ZC3H12B: variants seen among roughly 807,000 people sequenced by gnomAD.
ZC3H12B encodes zinc finger CCCH-type containing 12B, also known as probable ribonuclease ZC3H12B.
A neutral mutation model predicts 43.9 loss-of-function variants in ZC3H12B; 7 were observed. The ratio of observed to expected loss-of-function variants is 0.16; its 90% CI spans 0.09 to 0.30. ZC3H12B has a LOEUF of 0.30. Among genes scored for constraint, ZC3H12B ranks in the 10% least tolerant of loss-of-function variants. ZC3H12B has a pLI of 1.00. For synonymous variants in ZC3H12B, 222 were observed against 241.7 expected (o/e 0.92, Z 0.76); for missense variants, 475 against 670.2 (o/e 0.71, Z 3.22).
At chrX:65,222,250 A>T in the ZC3H12B span, among the ~76,000 whole-genome samples, 15 of 111,487 alleles carry the variant, frequency 1.3e-4, no homozygotes, top group East Asian at 3.9e-3. Context: ...ATGATTCTGA[A>T]CAAGGTAAAG....
chrX:65,149,808 AT>A, the ZC3H12B span, among the ~76,000 whole-genome samples: 7 of 104,865 alleles, frequency 6.7e-5, no homozygotes, highest in Admixed American at 1.1e-4. Flanking sequence ...AATAATAATA[AT>A]AATAATAAAT....
the ZC3H12B span, chrX:65,328,298 C>T: frequency 4.0e-6 from 1 of 252,350 alleles, no homozygotes. Flanking sequence ...ATTCTTTTAT[C>T]CCTGGCATAA....
At chrX:65,226,538 C>T in the ZC3H12B span, among the ~76,000 whole-genome samples, 1 of 111,484 alleles carries the variant, frequency 9.0e-6, no homozygotes, top group African/African-American at 3.3e-5. Flanking sequence ...ACAATATTAA[C>T]TTTAAATGTA....
chrX:65,216,913 G>A, the ZC3H12B span, among the ~76,000 whole-genome samples: 449 of 111,753 alleles, frequency 4.0e-3, no homozygotes, highest in African/African-American at 0.013. Context: ...ACCATGTGCC[G>A]ACTAAAATGG....
At chrX:65,306,530 G>A in the ZC3H12B span, among the ~76,000 whole-genome samples, 1 of 110,524 alleles carries the variant, frequency 9.0e-6, no homozygotes, top group Non-Finnish European at 1.9e-5. Flanking sequence ...ACGCTGCCAC[G>A]CCCAGCTAAT....
At chrX:65,178,128 T>A in the ZC3H12B span, among the ~76,000 whole-genome samples, 1 of 112,000 alleles carries the variant, frequency 8.9e-6, no homozygotes, top group East Asian at 2.8e-4. Context: ...AACCATCTGA[T>A]CTTTGACAAA....
the ZC3H12B span, among the ~76,000 whole-genome samples, chrX:65,228,276 C>T: frequency 7.2e-5 from 8 of 111,872 alleles, no homozygotes; most frequent in Non-Finnish European, 1.3e-4. Context: ...GAAACAAAGA[C>T]AAAAACCACC....
At chrX:65,294,693 A>T in the ZC3H12B span, among the ~76,000 whole-genome samples, 1 of 111,923 alleles carries the variant, frequency 8.9e-6, no homozygotes, top group Admixed American at 9.5e-5. Context: ...AGTGAGCAGG[A>T]GTAGCTATTT....
the ZC3H12B span, among the ~76,000 whole-genome samples, chrX:65,173,238 A>G: frequency 8.9e-6 from 1 of 111,848 alleles, no homozygotes; most frequent in African/African-American, 3.3e-5. Flanking sequence ...TTGTTGGTGT[A>G]TAGGAATGCT....
the ZC3H12B span, among the ~76,000 whole-genome samples, chrX:65,163,779 C>G: frequency 1.8e-5 from 2 of 111,322 alleles, no homozygotes; most frequent in African/African-American, 3.3e-5. Flanking sequence ...TGCACTCACT[C>G]TCCTGCACCC....
the ZC3H12B span, among the ~76,000 whole-genome samples, chrX:65,317,901 GTTTA>G: frequency 4.9e-5 from 5 of 101,644 alleles, no homozygotes; most frequent in South Asian, 4.4e-4. Flanking sequence ...ATATATAACA[GTTTA>G]TTTATCCACT....
chrX:65,383,757 G>GA (rs763401593), intron 2 of ZC3H12B, among the ~76,000 whole-genome samples: 5 of 110,222 alleles, frequency 4.5e-5, no homozygotes, highest in South Asian at 3.9e-4. Context: ...AAATTTACAA[G>GA]AAAAAAAACA....
chrX:65,305,381 G>A, the ZC3H12B span, among the ~76,000 whole-genome samples: 2 of 111,702 alleles, frequency 1.8e-5, no homozygotes, highest in African/African-American at 6.5e-5. Context: ...AGGTAGCATA[G>A]GCAGTTGAAA....
the ZC3H12B span, among the ~76,000 whole-genome samples, chrX:65,314,969 T>G: frequency 5.8e-4 from 65 of 111,190 alleles, no homozygotes; most frequent in African/African-American, 2.0e-3. Context: ...ATTATAATCT[T>G]GAGAACAATC....
chrX:65,107,084 A>G, the ZC3H12B span, among the ~76,000 whole-genome samples: 1 of 111,250 alleles, frequency 9.0e-6, no homozygotes, highest in African/African-American at 3.3e-5. Context: ...ATAGTTTAAA[A>G]AAGAAGAGGT....
intron 3 of ZC3H12B, among the ~76,000 whole-genome samples, chrX:65,449,022 A>AGAAAGAAAG (rs2067430425): frequency 9.7e-6 from 1 of 103,209 alleles, no homozygotes; most frequent in Non-Finnish European, 2.0e-5. Context: ...AAGGAAGGAA[A>AGAAAGAAAG]GAAGGAAAGA....
At chrX:65,166,095 C>T in the ZC3H12B span, among the ~76,000 whole-genome samples, 109 of 110,277 alleles carry the variant, frequency 9.9e-4, no homozygotes, top group Middle Eastern at 9.3e-3. Flanking sequence ...GTGCACAATG[C>T]GCAGGTTTGT....
the ZC3H12B span, among the ~76,000 whole-genome samples, chrX:65,311,022 A>T: frequency 3.1e-4 from 35 of 112,642 alleles, no homozygotes; most frequent in Admixed American, 7.5e-4. Flanking sequence ...CTTAAATGTT[A>T]GACCTAAAAC....
Position 65,429,005 on chromosome X carries a change from G to A in ZC3H12B, n.407+30301G>A, listed in dbSNP as rs377198491. Among the ~76,000 whole-genome samples, 9 of 112,051 alleles carry A rather than the reference G, an allele frequency of 8.0e-5. No individual in the cohort carries two copies. The East Asian group carries it at 1.7e-3, about 21-fold the overall frequency. ...GTTTTAGCAGTCAGGCCACTCTTCC[G>A]TAGTGCTGCTGCAGTTTGCTGGAGT... On this transcript the variant is annotated intron_variant and non_coding_transcript_variant, in intron 3 of 5. Coordinates refer to the ZC3H12B transcript ENST00000617377.
Sources: allele counts gnomAD v4.1 joint callset (sites outside exome capture counted in the v4.1 genomes callset), GRCh38; gene constraint gnomAD v4.1.1; transcripts MANE v1.5; gene names NCBI Gene and HGNC (gene_info 2026-07-23, HGNC 2026-07-21).